Variants in PCDH11Y observed in about 807,000 individuals in gnomAD.
PCDH11Y encodes the protein protocadherin 11 Y-linked, also known as protocadherin-11 Y-linked.
For missense variants in PCDH11Y, 12 were observed against 224.8 expected (o/e 0.05, Z 6.05); for synonymous variants, 9 against 83.6 (o/e 0.11, Z 4.87).
chrY:5,723,242 A>G, intron 4 of PCDH11Y, among the ~76,000 whole-genome samples: 1 of 32,001 alleles, frequency 3.1e-5, no homozygotes. Flanking sequence ...AAAAAATATA[A>G]TTTATAATTA....
At chrY:5,057,690 T>C in intron 1 of PCDH11Y, among the ~76,000 whole-genome samples, 1 of 33,464 alleles carries the variant, frequency 3.0e-5, no homozygotes, top group African/African-American at 1.1e-4. Context: ...TTTCCATTAA[T>C]CTATAAAGGG....
intron 2 of PCDH11Y, among the ~76,000 whole-genome samples, chrY:5,201,542 A>C (rs2052926809): frequency 3.2e-5 from 1 of 31,576 alleles, no homozygotes; most frequent in African/African-American, 1.2e-4. Flanking sequence ...TCTTTTGTCC[A>C]GAAATTGTTC....
intron 2 of PCDH11Y, among the ~76,000 whole-genome samples, chrY:5,262,767 C>T: frequency 3.1e-5 from 1 of 32,363 alleles, no homozygotes; most frequent in Admixed American, 2.8e-4. Context: ...TAACAAGGAG[C>T]CCAATGTTAA....
chrY:5,107,971 A>G (rs2052795001), downstream of PCDH11Y, among the ~76,000 whole-genome samples: 4 of 30,257 alleles, frequency 1.3e-4, no homozygotes, highest in South Asian at 8.3e-4. Flanking sequence ...AGGCAGGAGA[A>G]TGGCGTGAAC....
chrY:5,112,709 A>G, intron 2 of PCDH11Y, among the ~76,000 whole-genome samples: 1 of 33,790 alleles, frequency 3.0e-5, no homozygotes, highest in Non-Finnish European at 7.4e-5. Context: ...GGCATAAATC[A>G]TAGGAATATG....
At chrY:5,635,401 A>T in intron 4 of PCDH11Y, among the ~76,000 whole-genome samples, 11 of 32,243 alleles carry the variant, frequency 3.4e-4, no homozygotes, top group Admixed American at 2.8e-3. Flanking sequence ...ATTTCCAGTC[A>T]TAGGAGGTTG....
chrY:5,026,125 T>C, intron 1 of PCDH11Y, among the ~76,000 whole-genome samples: 1 of 33,066 alleles, frequency 3.0e-5, no homozygotes, highest in Non-Finnish European at 7.5e-5. Context: ...TACAAACATT[T>C]TAGTTTTGAA....
intron 2 of PCDH11Y, among the ~76,000 whole-genome samples, chrY:5,180,436 A>G (rs2052898898): frequency 3.0e-5 from 1 of 33,851 alleles, no homozygotes; most frequent in Non-Finnish European, 7.3e-5. Context: ...GTAGATTTCT[A>G]TTAGGTCCAC....
chrY:5,205,636 A>AAT (rs1556399329), intron 2 of PCDH11Y, among the ~76,000 whole-genome samples: 3 of 25,203 alleles, frequency 1.2e-4, no homozygotes, highest in Non-Finnish European at 2.6e-4. Flanking sequence ...TTATGCACTG[A>AAT]ATATATATAT....
At chrY:5,449,313 A>G in intron 2 of PCDH11Y, among the ~76,000 whole-genome samples, 5 of 33,302 alleles carry the variant, frequency 1.5e-4, no homozygotes, top group African/African-American at 5.9e-4. Flanking sequence ...CATTGGATGC[A>G]TGGAACCACC....
chrY:5,698,794 C>T (rs2053574464), intron 4 of PCDH11Y, among the ~76,000 whole-genome samples: 1 of 33,338 alleles, frequency 3.0e-5, no homozygotes, highest in Non-Finnish European at 7.4e-5. Flanking sequence ...TATTACCTAC[C>T]TTCTGAAACC....
chrY:5,232,993 G>A (rs2124653984), intron 2 of PCDH11Y, among the ~76,000 whole-genome samples: 1 of 32,325 alleles, frequency 3.1e-5, no homozygotes, highest in East Asian at 8.4e-4. Context: ...AGCGCCTCAC[G>A]ATTGCTGTGT....
At chrY:5,345,237 C>T (rs2053150775) in intron 2 of PCDH11Y, among the ~76,000 whole-genome samples, 1 of 33,395 alleles carries the variant, frequency 3.0e-5, no homozygotes, top group South Asian at 6.6e-4. Context: ...TTTCACAAAG[C>T]GACAATTACA....
chrY:5,302,223 A>G (rs2053083887), intron 2 of PCDH11Y, among the ~76,000 whole-genome samples: 1 of 29,920 alleles, frequency 3.3e-5, no homozygotes, highest in Admixed American at 3.2e-4. Context: ...GGAAGGAAGG[A>G]AGGAAGGAAG....
chrY:5,350,616 G>T, intron 2 of PCDH11Y, among the ~76,000 whole-genome samples: 1 of 32,412 alleles, frequency 3.1e-5, no homozygotes, highest in Non-Finnish European at 7.5e-5. Flanking sequence ...TGAGGCAGAA[G>T]AATTGCTTGA....
At chrY:5,263,612 C>T in intron 2 of PCDH11Y, among the ~76,000 whole-genome samples, 1 of 33,581 alleles carries the variant, frequency 3.0e-5, no homozygotes, top group Admixed American at 2.7e-4. Context: ...GAACCCCAAG[C>T]CCAATACTAC....
At chrY:5,340,093 A>AGT (rs2053143522) in intron 2 of PCDH11Y, among the ~76,000 whole-genome samples, 3 of 32,594 alleles carry the variant, frequency 9.2e-5, no homozygotes, top group Non-Finnish European at 2.2e-4. Context: ...GGAAGCCAGT[A>AGT]GTGGCTCATT....
intron 2 of PCDH11Y, among the ~76,000 whole-genome samples, chrY:5,478,034 A>G: frequency 3.0e-5 from 1 of 33,103 alleles, no homozygotes; most frequent in African/African-American, 1.2e-4. Flanking sequence ...TTCTGGTCTG[A>G]TCTTAGTTAT....
intron 2 of PCDH11Y, among the ~76,000 whole-genome samples, chrY:5,460,325 T>C: frequency 3.0e-5 from 1 of 32,957 alleles, no homozygotes; most frequent in Admixed American, 2.8e-4. Flanking sequence ...TAGACCATTT[T>C]TGTTGTGGAA....
Sources: allele counts gnomAD v4.1 joint callset (sites outside exome capture counted in the v4.1 genomes callset), GRCh38; gene constraint gnomAD v4.1.1; transcripts MANE v1.5; gene names NCBI Gene and HGNC (gene_info 2026-07-23, HGNC 2026-07-21).